FAF1: variants seen among roughly 807,000 people sequenced by gnomAD.
The protein encoded by FAF1 is Fas associated factor 1.
FAF1 carries 25 observed loss-of-function variants against 92.5 expected under a neutral mutation model. That is an observed-to-expected ratio of 0.27 (90% CI 0.20 to 0.38). The LOEUF (loss-of-function observed/expected upper bound fraction) is 0.38, where lower values mean the gene tolerates loss of function less well. FAF1 is among the 10% of genes least tolerant of loss of function. The pLI is 1.00. For missense variants in FAF1, 636 were observed against 793.3 expected (o/e 0.80, Z 2.38); for synonymous variants, 234 against 273.2 (o/e 0.86, Z 1.42).
At chr1:50,449,329 G>A (rs1391589743) in intron 18 of FAF1, among the ~76,000 whole-genome samples, 1 of 152,054 alleles carries the variant, frequency 6.6e-6, no homozygotes, top group Non-Finnish European at 1.5e-5. Context: ...AAACTTGAAC[G>A]CAGGTCCTCT....
intron 13 of FAF1, among the ~76,000 whole-genome samples, chr1:50,562,493 C>G (rs1649969451): frequency 6.6e-6 from 1 of 152,128 alleles, no homozygotes; most frequent in African/African-American, 2.4e-5. Flanking sequence ...GCAAAATCTG[C>G]CACCCAAAAG....
At chr1:50,957,984 CA>C (rs1157445098) in intron 1 of FAF1, among the ~76,000 whole-genome samples, 1 of 151,954 alleles carries the variant, frequency 6.6e-6, no homozygotes, top group South Asian at 2.1e-4. Context: ...AAAAACAAAA[CA>C]AAAAGACGAT....
At chr1:50,840,927 T>C (rs1644250536) in intron 2 of FAF1, among the ~76,000 whole-genome samples, 1 of 151,996 alleles carries the variant, frequency 6.6e-6, no homozygotes, top group African/African-American at 2.4e-5. Context: ...AAAAAAATGA[T>C]CATATGGGTT....
At chr1:50,452,290 A>C (rs1646303181) in intron 18 of FAF1, 4 of 500,940 alleles carry the variant, frequency 8.0e-6, no homozygotes, top group Middle Eastern at 3.4e-4. Flanking sequence ...GACACAGGCA[A>C]ATTCATAAGT....
chr1:50,653,111 T>C (rs1350177115), intron 8 of FAF1, among the ~76,000 whole-genome samples: 1 of 152,094 alleles, frequency 6.6e-6, no homozygotes, highest in Non-Finnish European at 1.5e-5. Flanking sequence ...ATTATTCTTT[T>C]ATTTTTGTAA....
At chr1:50,765,643 G>A (rs959291379) in intron 4 of FAF1, among the ~76,000 whole-genome samples, 3 of 152,120 alleles carry the variant, frequency 2.0e-5, no homozygotes, top group Non-Finnish European at 2.9e-5. Context: ...CCCTATATAT[G>A]ACTAAATGAC....
At chr1:50,508,821 CTCCT>C (rs1647093137) in intron 15 of FAF1, among the ~76,000 whole-genome samples, 1 of 152,202 alleles carries the variant, frequency 6.6e-6, no homozygotes, top group Admixed American at 6.5e-5. Flanking sequence ...CTTGCCTCAG[CTCCT>C]GAGTAGCAGG....
chr1:50,760,606 G>T (rs1314398144), intron 4 of FAF1, among the ~76,000 whole-genome samples: 1 of 152,144 alleles, frequency 6.6e-6, no homozygotes, highest in Non-Finnish European at 1.5e-5. Flanking sequence ...CTAACGAAAT[G>T]AAGGCAGAAA....
At chr1:50,716,327 A>C (rs778651461) in intron 6 of FAF1, among the ~76,000 whole-genome samples, 1 of 152,182 alleles carries the variant, frequency 6.6e-6, no homozygotes, top group Non-Finnish European at 1.5e-5. Context: ...AGAATTAGCT[A>C]AACTAACCCA....
intron 6 of FAF1, among the ~76,000 whole-genome samples, chr1:50,727,867 C>T (rs530446435): frequency 1.3e-5 from 2 of 152,312 alleles, no homozygotes; most frequent in African/African-American, 4.8e-5. Context: ...TGGACTTACA[C>T]TAGTGGTTTG....
chr1:50,752,684 G>T (rs191059312), intron 4 of FAF1, among the ~76,000 whole-genome samples: 2 of 151,708 alleles, frequency 1.3e-5, no homozygotes, highest in African/African-American at 4.8e-5. Flanking sequence ...TCATTTTTTT[G>T]GTTTTGTTTT....
intron 15 of FAF1, among the ~76,000 whole-genome samples, chr1:50,528,763 C>T (rs1394859852): frequency 6.6e-6 from 1 of 152,096 alleles, no homozygotes; most frequent in African/African-American, 2.4e-5. Context: ...TCCTCTTTCA[C>T]CTCCTCTACC....
chr1:50,817,047 G>GT (rs1643983927), intron 2 of FAF1, among the ~76,000 whole-genome samples: 2 of 152,240 alleles, frequency 1.3e-5, no homozygotes, highest in South Asian at 2.1e-4. Flanking sequence ...CTATGTGTCT[G>GT]TTTTTGTACT....
intron 13 of FAF1, among the ~76,000 whole-genome samples, chr1:50,559,442 A>G (rs1468858816): frequency 6.6e-6 from 1 of 152,200 alleles, no homozygotes; most frequent in Non-Finnish European, 1.5e-5. Flanking sequence ...AATGCTGAGC[A>G]GTAATTATGA....
In FAF1 at chr1:50,772,487, G is replaced by A. The variant is rs77154528; in HGVS notation, c.367+15513C>T. ...TGGTAGACTGGATGAAGAAAATATC[G>A]TACATTTACACCATGGAATACACCA... On this transcript the variant is annotated intron_variant, in intron 4 of 18. Coordinates refer to ENST00000396153, the MANE Select transcript of FAF1 (RefSeq NM_007051.3). Among the ~76,000 whole-genome samples the A allele has an allele frequency of 7.8e-3, 1,180 of 152,084 alleles. 13 individuals carry two copies. Among genetic ancestry groups the A allele is most frequent in the African/African-American group, 0.027 (1,131 of 41,492 alleles).
chr1:50,548,652 C>T (rs1266582094), intron 13 of FAF1, among the ~76,000 whole-genome samples: 1 of 152,230 alleles, frequency 6.6e-6, no homozygotes, highest in Non-Finnish European at 1.5e-5. Flanking sequence ...TGTTGGTCCA[C>T]AAGTTTATGA....
chr1:50,733,309 G>A (rs1411394541), intron 6 of FAF1, among the ~76,000 whole-genome samples: 1 of 152,084 alleles, frequency 6.6e-6, no homozygotes, highest in Non-Finnish European at 1.5e-5. Context: ...CTGAAATCTA[G>A]ATCCCAGAAA....
intron 8 of FAF1, among the ~76,000 whole-genome samples, chr1:50,651,646 G>A (rs1654870465): frequency 6.6e-6 from 1 of 152,114 alleles, no homozygotes; most frequent in African/African-American, 2.4e-5. Context: ...ATTAAGTTAT[G>A]GCACACTGTC....
rs2149008643 is a variant in FAF1, at chr1:50,490,545, A to ACAGTGGAAATC, written c.1653+42_1653+43insGATTTCCACTG. 1.5e-6 allele frequency: 2 copies of ACAGTGGAAATC among 1,310,284 alleles called. 1 individual carries two copies. Among genetic ancestry groups the ACAGTGGAAATC allele is most frequent in the South Asian group, 2.4e-5 (2 of 84,842 alleles). The allele number at this position is 1,310,284 out of a possible 1,614,324, so 81.2% of individuals were successfully genotyped here. A position where few individuals can be genotyped will look rare whatever the true frequency, so the allele number is the denominator to read the frequency against. On this transcript the variant is annotated intron_variant, in intron 17 of 18. Transcript: ENST00000396153. Reference sequence around the variant, plus strand: ...TAGGTTAACAGCTTCAGTATCAAATACAACCCAGCTTTTGAATAACTTTTC... The same window carrying ACAGTGGAAATC: ...TAGGTTAACAGCTTCAGTATCAAATACAGTGGAAATCCAACCCAGCTTTTGAATAACTTTTC...
Sources: gnomAD v4.1 joint callset for allele counts (sites outside exome capture counted in the v4.1 genomes callset) on GRCh38, gnomAD v4.1.1 for gene constraint, MANE v1.5 for transcripts, NCBI Gene and HGNC (gene_info 2026-07-23, HGNC 2026-07-21) for gene names.